ZNF385D: variants seen among roughly 807,000 people sequenced by gnomAD.
ZNF385D encodes the protein zinc finger protein 385D, also known as zinc finger protein 659.
ZNF385D carries 15 observed loss-of-function variants against 35.8 expected under a neutral mutation model. That is an observed-to-expected ratio of 0.42 (90% CI 0.28 to 0.64). The LOEUF (loss-of-function observed/expected upper bound fraction) is 0.64. ZNF385D is among the 30% of genes least tolerant of loss of function. The pLI is 0.23. For synonymous variants in ZNF385D, 212 were observed against 186.8 expected (o/e 1.13, Z -1.10); for missense variants, 474 against 494.6 (o/e 0.96, Z 0.39).
intron 3 of ZNF385D, among the ~76,000 whole-genome samples, chr3:21,841,188 C>T (rs1000779076): frequency 6.6e-6 from 1 of 152,026 alleles, no homozygotes; most frequent in South Asian, 2.1e-4. Flanking sequence ...ATATCGTGGG[C>T]ATCCCTACAG....
chr3:21,613,342 T>A (rs1028662154), intron 2 of ZNF385D, among the ~76,000 whole-genome samples: 243 of 144,336 alleles, frequency 1.7e-3, no homozygotes, highest in African/African-American at 6.0e-3. Context: ...AGTCAGAAGA[T>A]AAAAAAAAAA....
intron 3 of ZNF385D, among the ~76,000 whole-genome samples, chr3:21,564,131 C>T (rs192250240): frequency 5.8e-4 from 88 of 152,102 alleles, no homozygotes; most frequent in Admixed American, 1.6e-3. Context: ...AAGGACATAG[C>T]GGTAATATGG....
At chr3:22,334,059 T>C (rs1292524962) in intron 2 of ZNF385D, among the ~76,000 whole-genome samples, 1 of 152,210 alleles carries the variant, frequency 6.6e-6, no homozygotes, top group East Asian at 1.9e-4. Context: ...ACACATCCTT[T>C]CGCTTTTAAA....
chr3:21,635,735 A>G (rs934417668), intron 2 of ZNF385D, among the ~76,000 whole-genome samples: 1 of 152,052 alleles, frequency 6.6e-6, no homozygotes, highest in South Asian at 2.1e-4. Context: ...CCGAGTCCCC[A>G]AAGTCCATTG....
chr3:22,312,164 G>T (rs1051135665), intron 2 of ZNF385D, among the ~76,000 whole-genome samples: 2 of 152,032 alleles, frequency 1.3e-5, no homozygotes, highest in Non-Finnish European at 2.9e-5. Flanking sequence ...TCTTCCCTTT[G>T]TATTATGATA....
intron 4 of ZNF385D, among the ~76,000 whole-genome samples, chr3:21,454,292 A>G (rs1298030368): frequency 7.0e-6 from 1 of 142,118 alleles, no homozygotes; most frequent in Non-Finnish European, 1.6e-5. Flanking sequence ...TAACATTGTG[A>G]ATATAGTAAA....
intron 1 of ZNF385D, among the ~76,000 whole-genome samples, chr3:21,666,579 T>C (rs1037090534): frequency 3.3e-5 from 5 of 152,194 alleles, no homozygotes; most frequent in Non-Finnish European, 7.4e-5. Context: ...ATAATAAGTC[T>C]ACATTCACCA....
At chr3:21,914,508 A>T (rs947678170) in intron 3 of ZNF385D, among the ~76,000 whole-genome samples, 3 of 151,850 alleles carry the variant, frequency 2.0e-5, no homozygotes, top group Non-Finnish European at 4.4e-5. Flanking sequence ...AAACTCATTC[A>T]CATACCTCAT....
chr3:21,804,853 T>C (rs2072565269), intron 3 of ZNF385D, among the ~76,000 whole-genome samples: 1 of 93,468 alleles, frequency 1.1e-5, no homozygotes, highest in Admixed American at 1.0e-4. Context: ...TTTTCCCTTA[T>C]ATACTTTACC....
At chr3:21,716,599 A>G (rs1192987054) in intron 1 of ZNF385D, among the ~76,000 whole-genome samples, 1 of 152,082 alleles carries the variant, frequency 6.6e-6, no homozygotes, top group African/African-American at 2.4e-5. Flanking sequence ...CGGCTTCTTA[A>G]TTATGTTACT....
rs1305798625 is a variant in ZNF385D, at chr3:21,412,510, G to A, written c.*8704C>T. The A allele has an allele frequency of 6.6e-6, 1 of 152,014 alleles. No homozygotes were observed. The highest frequency in any genetic ancestry group is 6.6e-5 in the Admixed American group (1 of 15,252). 9.4% of individuals were successfully genotyped at this position (152,014 alleles called of 1,614,324 possible). A position where few individuals can be genotyped will look rare whatever the true frequency, so the allele number is the denominator to read the frequency against. On this transcript the variant is annotated 3_prime_UTR_variant, in exon 8 of 8. Transcript: ENST00000281523. ...AAACATTGCCTATGGATTATCTACAGAAGAGAGGAAAATAAGCAACCATTT... is the reference window on the plus strand; with the variant it reads ...AAACATTGCCTATGGATTATCTACAAAAGAGAGGAAAATAAGCAACCATTT...
chr3:22,050,017 T>C (rs1056952611), intron 3 of ZNF385D, among the ~76,000 whole-genome samples: 9 of 152,120 alleles, frequency 5.9e-5, no homozygotes, highest in Admixed American at 3.9e-4. Context: ...ATCATCGTAA[T>C]GTTTCCTCTT....
intron 3 of ZNF385D, among the ~76,000 whole-genome samples, chr3:21,866,488 G>A (rs919073276): frequency 6.6e-6 from 1 of 152,054 alleles, no homozygotes; most frequent in African/African-American, 2.4e-5. Context: ...TTTTATGAGG[G>A]CACCGCTATT....
chr3:22,124,505 C>T (rs549843818), intron 3 of ZNF385D, among the ~76,000 whole-genome samples: 4 of 152,106 alleles, frequency 2.6e-5, no homozygotes, highest in Non-Finnish European at 5.9e-5. Flanking sequence ...GACCTCTATA[C>T]TTTTCTCCAT....
In ZNF385D at chr3:22,347,472, T is replaced by C. The variant is rs145381298; in HGVS notation, c.106+24978A>G. On this transcript the variant is annotated intron_variant, in intron 2 of 5. Coordinates refer to the ZNF385D transcript ENST00000494108. ...CAAGGAAGAGAAAGTAAGTGGAAGC[T>C]GACTCAATTTTAGAAAAGGCTAGCT... is the stretch of plus-strand genomic sequence containing the variant. Among the ~76,000 whole-genome samples, 481 of 152,312 alleles carry C rather than the reference T, an allele frequency of 3.2e-3. 2 individuals are homozygous for C. Among genetic ancestry groups the C allele is most frequent in the African/African-American group, 0.011 (457 of 41,572 alleles).
chr3:21,768,482 A>T (rs1216690128), intron 3 of ZNF385D, among the ~76,000 whole-genome samples: 1 of 151,966 alleles, frequency 6.6e-6, no homozygotes, highest in Non-Finnish European at 1.5e-5. Context: ...TGAAGGCTTC[A>T]AACTTCCAGG....
At chr3:22,173,378 A>G (rs773329726) in intron 2 of ZNF385D, among the ~76,000 whole-genome samples, 1 of 152,226 alleles carries the variant, frequency 6.6e-6, no homozygotes, top group Non-Finnish European at 1.5e-5. Context: ...TTTACAAAAG[A>G]TATCGACAAT....
At chr3:22,088,721 T>A (rs1701170874) in intron 3 of ZNF385D, among the ~76,000 whole-genome samples, 1 of 151,952 alleles carries the variant, frequency 6.6e-6, no homozygotes, top group Admixed American at 6.6e-5. Context: ...AACAACAAAC[T>A]AACAAAGCAA....
At chr3:21,813,549 A>G (rs2073023467) in intron 3 of ZNF385D, among the ~76,000 whole-genome samples, 1 of 152,158 alleles carries the variant, frequency 6.6e-6, no homozygotes, top group Admixed American at 6.5e-5. Context: ...GAATTATGCG[A>G]CTCATGCACA....
Sources: allele counts gnomAD v4.1 joint callset (sites outside exome capture counted in the v4.1 genomes callset), GRCh38; gene constraint gnomAD v4.1.1; transcripts MANE v1.5; gene names NCBI Gene and HGNC (gene_info 2026-07-23, HGNC 2026-07-21).